The following SIPA1L3 variants were observed in gnomAD, a reference collection of about 807,000 sequenced individuals.
SIPA1L3 encodes signal-induced proliferation-associated 1-like protein 3.
A neutral mutation model predicts 150.1 loss-of-function variants in SIPA1L3; 59 were observed. The observed-to-expected ratio is 0.39, with a 90% CI of 0.32 to 0.49. SIPA1L3 has a LOEUF of 0.49. Ranked by LOEUF, SIPA1L3 falls within the 20% of genes least tolerant of loss-of-function variation. The probability of loss-of-function intolerance (pLI) is 0.86; values close to 1 mark genes in which losing one functional copy is unlikely to be tolerated. For missense variants in SIPA1L3, 2,211 were observed against 2,489.5 expected (o/e 0.89, Z 2.38); for synonymous variants, 1,070 against 1,077.6 (o/e 0.99, Z 0.14).
chr19:38,024,547 C>T (rs372848075), intron 1 of SIPA1L3, among the ~76,000 whole-genome samples: 11 of 152,034 alleles, frequency 7.2e-5, no homozygotes, highest in Admixed American at 5.2e-4. Context: ...CACTGCCCCC[C>T]AGCTGGCCCT....
intron 1 of SIPA1L3, among the ~76,000 whole-genome samples, chr19:37,951,753 C>A (rs907487912): frequency 3.3e-5 from 5 of 151,840 alleles, no homozygotes; most frequent in Admixed American, 3.3e-4. Flanking sequence ...AAAAATTAGC[C>A]GGGCATGGTG....
intron 2 of SIPA1L3, among the ~76,000 whole-genome samples, chr19:38,077,250 A>C (rs1333855454): frequency 6.6e-6 from 1 of 152,112 alleles, no homozygotes; most frequent in East Asian, 1.9e-4. Flanking sequence ...CAGGAGTTTG[A>C]TACCAGCCTG....
Position 38,081,545 on chromosome 19 carries a change from G to C in SIPA1L3, c.-21G>C. ...GACACCACAGCGTACGGGGCCAGCA[G>C]CACTCCAGTGCCCGTGGACTATGAC... is the stretch of plus-strand genomic sequence containing the variant. On this transcript the variant is annotated 5_prime_UTR_variant, in exon 3 of 22. Coordinates refer to ENST00000222345, the MANE Select transcript of SIPA1L3 (RefSeq NM_015073.3). The C allele has an allele frequency of 1.9e-6, 3 of 1,554,710 alleles. No individual in the cohort carries two copies. The highest frequency in any genetic ancestry group is 2.6e-6 in the Non-Finnish European group (3 of 1,146,788).
At chr19:38,048,029 C>T (rs970185471) in intron 2 of SIPA1L3, among the ~76,000 whole-genome samples, 2 of 152,170 alleles carry the variant, frequency 1.3e-5, no homozygotes, top group African/African-American at 2.4e-5. Context: ...CGTGCGTGTG[C>T]CTCTGGGTGG....
Position 37,987,627 on chromosome 19 carries a change from T to C in SIPA1L3, c.-378-41462T>C, listed in dbSNP as rs140776853. Among the ~76,000 whole-genome samples the C allele has an allele frequency of 6.6e-4, 100 of 152,306 alleles. 1 individual carries two copies. In the East Asian group the frequency reaches 0.019, roughly 28 times the overall value. On this transcript the variant is annotated intron_variant, in intron 1 of 21. Transcript: ENST00000222345. ...GTGGGGCAGTGTTGTCCCTAGTTGGTTACCAGCGGCCTCGCACCCTCTAAT... is the reference window on the plus strand; with the variant it reads ...GTGGGGCAGTGTTGTCCCTAGTTGGCTACCAGCGGCCTCGCACCCTCTAAT...
At chr19:37,952,661 AGACTCTGTCTC>A (rs1384320355) in intron 1 of SIPA1L3, among the ~76,000 whole-genome samples, 1 of 152,214 alleles carries the variant, frequency 6.6e-6, no homozygotes, top group Non-Finnish European at 1.5e-5. Flanking sequence ...GAACAGAGTG[AGACTCTGTCTC>A]AAAAATAAAA....
intron 1 of SIPA1L3, among the ~76,000 whole-genome samples, chr19:37,936,701 T>C (rs746620639): frequency 2.0e-5 from 3 of 152,212 alleles, no homozygotes; most frequent in Non-Finnish European, 2.9e-5. Context: ...ATATTTCCTC[T>C]GACAAGGGCA....
rs537295493 is a variant in SIPA1L3 at position 38,100,141 on chromosome 19, T to C, written c.1845T>C (p.Asp615=). ...TGACGGAGCAACTGCTGAAGCTCGATGAGCAAGGGGTGAGTCAGGGGCTGG... is the reference window on the plus strand; with the variant it reads ...TGACGGAGCAACTGCTGAAGCTCGACGAGCAAGGGGTGAGTCAGGGGCTGG... ...PKVTEQLLKL[D]EQGLCRKHKV... is the part of the protein sequence containing the mutation. The change falls in exon 5 of 22, where the codon GAT becomes GAC. Residue 615 remains aspartate (D), a synonymous_variant. Transcript: ENST00000222345. The C allele has an allele frequency of 3.2e-6, 5 of 1,584,350 alleles. No homozygotes were observed. In the East Asian group the frequency reaches 7.1e-5, roughly 23 times the overall value.
intron 1 of SIPA1L3, among the ~76,000 whole-genome samples, chr19:37,989,166 T>G (rs1967435807): frequency 6.6e-6 from 1 of 152,176 alleles, no homozygotes; most frequent in South Asian, 2.1e-4. Context: ...TGCCTGGCCT[T>G]GTGCATCCTC....
intron 1 of SIPA1L3, among the ~76,000 whole-genome samples, chr19:37,925,590 CTT>C (rs761234489): frequency 2.7e-5 from 3 of 110,754 alleles, no homozygotes; most frequent in African/African-American, 6.5e-5. Flanking sequence ...TGATTTATTA[CTT>C]TTTTTTTTTT....
intron 10 of SIPA1L3, among the ~76,000 whole-genome samples, chr19:38,134,172 C>T (rs148136039): frequency 0.037 from 5,599 of 151,234 alleles, 151 homozygotes; most frequent in Middle Eastern, 0.062. Context: ...TTAGCAGAGA[C>T]GGGGTTTCAC....
chr19:38,050,640 G>A (rs1969173048), intron 2 of SIPA1L3, among the ~76,000 whole-genome samples: 2 of 152,194 alleles, frequency 1.3e-5, no homozygotes, highest in African/African-American at 4.8e-5. Flanking sequence ...GGCTTCTCCT[G>A]GGTCGTCCAA....
At chr19:37,981,881 G>C (rs1251239018) in intron 1 of SIPA1L3, among the ~76,000 whole-genome samples, 1 of 152,206 alleles carries the variant, frequency 6.6e-6, no homozygotes, top group African/African-American at 2.4e-5. Flanking sequence ...CTGCAGGGAA[G>C]GGTGAGAGAT....
chr19:38,019,171 A>T (rs184706952), intron 1 of SIPA1L3, among the ~76,000 whole-genome samples: 101 of 152,356 alleles, frequency 6.6e-4, no homozygotes, highest in African/African-American at 2.3e-3. Context: ...GACACCAGAA[A>T]TAACAGTGGT....
chr19:38,194,649 G>A (rs1972880995), intron 18 of SIPA1L3, among the ~76,000 whole-genome samples: 1 of 152,240 alleles, frequency 6.6e-6, no homozygotes, highest in Admixed American at 6.5e-5. Flanking sequence ...CTCAGCTGAG[G>A]GGCTGTGCCT....
intron 1 of SIPA1L3, among the ~76,000 whole-genome samples, chr19:37,998,979 TCACACACACACACA>T (rs35998048): frequency 7.5e-5 from 11 of 145,902 alleles, no homozygotes; most frequent in Non-Finnish European, 1.2e-4. Context: ...GCCCTATCTA[TCACACACACACACA>T]CACACACACA....
intron 19 of SIPA1L3, chr19:38,199,995 A>G (rs913410965): frequency 6.6e-6 from 1 of 152,150 alleles, no homozygotes; most frequent in African/African-American, 2.4e-5. Context: ...TTGGGAGGTC[A>G]AGGTAGGAGG....
At position 38,036,037 on chromosome 19, in the gene SIPA1L3, C is replaced by T. The variant is rs544724454; in HGVS notation, c.-311+6881C>T. 2.0e-5 allele frequency among the ~76,000 whole-genome samples: 3 copies of T among 152,306 alleles called. No individual in the cohort carries two copies. The South Asian group carries it at 6.2e-4, about 32-fold the overall frequency. On this transcript the variant is annotated intron_variant, in intron 2 of 21. Coordinates refer to ENST00000222345, the MANE Select transcript of SIPA1L3 (RefSeq NM_015073.3). The stretch of plus-strand genomic sequence containing the variant: ...ATTTCATGGGCCAAGTTGGGAGTTT[C>T]TTTGGTGTGTGTTGGAGACCCATGG...
At position 38,101,085 on chromosome 19, in the gene SIPA1L3, T is replaced by G. The variant is rs778381837; in HGVS notation, c.1888T>G (p.Cys630Gly). Residue 630 changes from cysteine to glycine, a missense_variant, in exon 6 of 22, where the codon TGC becomes GGC. Physicochemically the swap from Cys to Gly is radical, Grantham distance 159. This residue lies in a region of SIPA1L3 where 625 missense variants were observed against 804.2 expected (regional missense o/e 0.78). Transcript: ENST00000222345. ...CRKHKVGILY[C>G]KAGQSSEEEM... ...GAAGCACAAGGTGGGCATCCTCTATTGCAAGGCCGGCCAGAGCTCCGAGGA... is the reference window on the plus strand; with the variant it reads ...GAAGCACAAGGTGGGCATCCTCTATGGCAAGGCCGGCCAGAGCTCCGAGGA... The G allele has an allele frequency of 6.3e-6, 10 of 1,589,888 alleles. No homozygotes were observed. Among genetic ancestry groups the G allele is most frequent in the Non-Finnish European group, 7.7e-6 (9 of 1,167,242 alleles).
Sources: gnomAD v4.1 joint callset for allele counts (sites outside exome capture counted in the v4.1 genomes callset) on GRCh38, gnomAD v4.1.1 for gene constraint, gnomAD v4.1.1 regional missense constraint, MANE v1.5 for transcripts, NCBI Gene and HGNC (gene_info 2026-07-23, HGNC 2026-07-21) for gene names.